Variants in RANBP2 observed in about 807,000 individuals in gnomAD.
RANBP2 encodes E3 SUMO-protein ligase RanBP2.
RANBP2 carries 57 observed loss-of-function variants against 303.6 expected under a neutral mutation model. The observed-to-expected ratio is 0.19, with a 90% CI of 0.15 to 0.23. RANBP2 has a LOEUF of 0.23. Among genes scored for constraint, RANBP2 ranks in the 10% least tolerant of loss-of-function variants. The pLI, the probability that RANBP2 is intolerant of heterozygous loss-of-function variation, is 1.00. For missense variants in RANBP2, 3,138 were observed against 3,780.8 expected, an observed-to-expected ratio of 0.83 and a Z score of 4.46; for synonymous variants, 1,167 against 1,301.5, an observed-to-expected ratio of 0.90 and a Z score of 2.23.
chr2:109,350,044 G>C, the RANBP2 span, among the ~76,000 whole-genome samples: 1 of 152,248 alleles, frequency 6.6e-6, no homozygotes, highest in East Asian at 1.9e-4. Context: ...CTCACGAGCT[G>C]CATCGGATCA....
the RANBP2 span, among the ~76,000 whole-genome samples, chr2:109,149,760 A>G: frequency 1.3e-5 from 2 of 152,230 alleles, no homozygotes; most frequent in Non-Finnish European, 2.9e-5. Flanking sequence ...CGTTGTGAGT[A>G]AGTGACAATT....
At chr2:108,853,877 TA>T in the RANBP2 span, among the ~76,000 whole-genome samples, 1 of 125,038 alleles carries the variant, frequency 8.0e-6, no homozygotes, top group South Asian at 2.2e-4. Flanking sequence ...ATATACTATA[TA>T]ATATATTATA....
the RANBP2 span, among the ~76,000 whole-genome samples, chr2:109,296,244 C>T: frequency 1.3e-5 from 2 of 148,926 alleles, no homozygotes; most frequent in African/African-American, 2.6e-5. Flanking sequence ...TATTATTATT[C>T]GAGATGGAGT....
chr2:109,551,599 G>A, the RANBP2 span, among the ~76,000 whole-genome samples: 4 of 152,160 alleles, frequency 2.6e-5, no homozygotes, highest in African/African-American at 9.7e-5. Flanking sequence ...CTTAGGTAAG[G>A]GGAAGGACAT....
chr2:108,990,460 A>C, the RANBP2 span, among the ~76,000 whole-genome samples: 2 of 147,518 alleles, frequency 1.4e-5, no homozygotes, highest in Admixed American at 6.7e-5. Flanking sequence ...AAAAAAAAAT[A>C]TACAAAAATT....
At chr2:109,159,295 C>T in the RANBP2 span, among the ~76,000 whole-genome samples, 1 of 152,292 alleles carries the variant, frequency 6.6e-6, no homozygotes, top group Non-Finnish European at 1.5e-5. Context: ...CTCTCAGGAC[C>T]GCTGCTGTAC....
At chr2:108,880,172 G>A in the RANBP2 span, among the ~76,000 whole-genome samples, 65 of 145,480 alleles carry the variant, frequency 4.5e-4, no homozygotes, top group Non-Finnish European at 5.1e-4. Flanking sequence ...AAATTAATAA[G>A]CTTCCAGACA....
the RANBP2 span, among the ~76,000 whole-genome samples, chr2:109,384,077 G>A: frequency 6.6e-6 from 1 of 152,188 alleles, no homozygotes; most frequent in African/African-American, 2.4e-5. Flanking sequence ...GGTTTCTGTT[G>A]GTGGCTTAGC....
chr2:108,910,638 G>A, the RANBP2 span: 2 of 1,388,620 alleles, frequency 1.4e-6, no homozygotes, highest in Non-Finnish European at 2.0e-6. Context: ...CCCGGTGTCT[G>A]TGTGGCACCA....
intron 9 of RANBP2, among the ~76,000 whole-genome samples, chr2:108,749,481 A>C (rs1035876577): frequency 6.6e-6 from 1 of 152,042 alleles, no homozygotes; most frequent in African/African-American, 2.4e-5. Flanking sequence ...TATTTTTAGT[A>C]GAGACGGGGT....
the RANBP2 span, among the ~76,000 whole-genome samples, chr2:109,196,968 A>G: frequency 3.3e-5 from 5 of 152,204 alleles, no homozygotes; most frequent in Non-Finnish European, 2.9e-5. Flanking sequence ...TGTGCTGGGC[A>G]CTGGGAACAG....
At chr2:109,126,999 G>A in the RANBP2 span, among the ~76,000 whole-genome samples, 9 of 152,196 alleles carry the variant, frequency 5.9e-5, no homozygotes, top group Admixed American at 3.3e-4. Flanking sequence ...AAGAGTGAAA[G>A]GTGGCTCATG....
chr2:108,765,007 G>T lies in RANBP2; in HGVS notation c.4468G>T (p.Val1490Leu). ...EGQWDCSACL[V>L]QNEGSSTKCA... Reference sequence around the variant, plus strand: ...ACAGTGGGATTGCAGTGCATGTTTGGTACAAAATGAGGGGAGCTCTACAAA... The same window carrying T: ...ACAGTGGGATTGCAGTGCATGTTTGTTACAAAATGAGGGGAGCTCTACAAA... Residue 1490 changes from valine (V) to leucine (L), a missense_variant, in exon 20 of 29, where the codon GTA becomes TTA. Val to Leu is a conservative substitution (Grantham distance 32). This residue lies in a region of RANBP2 where 388 missense variants were observed against 328.5 expected (regional missense o/e 1.18). Transcript: ENST00000283195. 2 of 1,613,962 alleles carry T rather than the reference G, an allele frequency of 1.2e-6. No individual in the cohort carries two copies. Among genetic ancestry groups the T allele is most frequent in the South Asian group, 1.1e-5 (1 of 91,078 alleles).
At chr2:109,364,085 C>T in the RANBP2 span, among the ~76,000 whole-genome samples, 1 of 151,656 alleles carries the variant, frequency 6.6e-6, no homozygotes, top group Non-Finnish European at 1.5e-5. Flanking sequence ...TTCTAGTATT[C>T]CCATTACATA....
chr2:109,652,712 C>A, the RANBP2 span, among the ~76,000 whole-genome samples: 1 of 152,194 alleles, frequency 6.6e-6, no homozygotes, highest in African/African-American at 2.4e-5. Context: ...ATGGCCAAGA[C>A]TTCAGTCTCT....
the RANBP2 span, among the ~76,000 whole-genome samples, chr2:109,390,354 G>T: frequency 1.3e-5 from 2 of 152,196 alleles, no homozygotes; most frequent in African/African-American, 4.8e-5. Context: ...GGACACCCCT[G>T]CTGAGGGGCT....
chr2:109,514,621 G>A, the RANBP2 span, among the ~76,000 whole-genome samples: 67 of 152,304 alleles, frequency 4.4e-4, no homozygotes, highest in African/African-American at 1.6e-3. Context: ...CCCCACGCAG[G>A]GACCTTGAGC....
chr2:109,101,765 C>T, the RANBP2 span, among the ~76,000 whole-genome samples: 17 of 152,258 alleles, frequency 1.1e-4, no homozygotes, highest in Admixed American at 3.9e-4. Context: ...TGGAGACTGC[C>T]GGAGAGAGCC....
At chr2:109,427,412 TG>T in the RANBP2 span, among the ~76,000 whole-genome samples, 2 of 152,214 alleles carry the variant, frequency 1.3e-5, no homozygotes, top group African/African-American at 4.8e-5. Context: ...TTGCAATATT[TG>T]CTCTATTGGG....
Sources: allele counts gnomAD v4.1 joint callset (sites outside exome capture counted in the v4.1 genomes callset), GRCh38; gene constraint gnomAD v4.1.1; regional missense constraint gnomAD v4.1.1; transcripts MANE v1.5; gene names NCBI Gene and HGNC (gene_info 2026-07-23, HGNC 2026-07-21).